The following ZBTB20 variants were observed in gnomAD, a reference collection of about 807,000 sequenced individuals.
ZBTB20 encodes the protein zinc finger and BTB domain-containing protein 20.
In ZBTB20, 9 loss-of-function variants were observed where a neutral mutation model predicts 56.9. The observed-to-expected ratio is 0.16, with a 90% confidence interval of 0.10 to 0.28. The LOEUF (loss-of-function observed/expected upper bound fraction) is 0.28, where lower values mean the gene tolerates loss of function less well. ZBTB20 is among the 10% of genes least tolerant of loss of function. ZBTB20 has a pLI of 1.00. For missense variants in ZBTB20, 655 were observed against 1,003.0 expected (o/e 0.65, Z 4.69); for synonymous variants, 417 against 420.7 (o/e 0.99, Z 0.11).
chr3:114,448,439 C>T (rs1046726422), intron 7 of ZBTB20, among the ~76,000 whole-genome samples: 1 of 151,850 alleles, frequency 6.6e-6, no homozygotes. Flanking sequence ...CTGGTGGTGA[C>T]GGGTGGTACA....
rs554210247 is a variant in ZBTB20 at position 114,662,474 on chromosome 3, C to A, written c.-295+31054G>T. ...TTCTAGTTCTAGATCCCTGAGGAAT[C>A]GCCACACTCACTTCCACAATGGTTG... On this transcript the variant is annotated intron_variant, in intron 6 of 11. Transcript: ENST00000675478. Among the ~76,000 whole-genome samples, 587 of 146,336 alleles carry A rather than the reference C, an allele frequency of 4.0e-3. 1 individual carries two copies. The highest frequency in any genetic ancestry group is 0.014 in the African/African-American group (559 of 38,688).
intron 4 of ZBTB20, among the ~76,000 whole-genome samples, chr3:114,815,377 T>G (rs1396089917): frequency 2.0e-5 from 3 of 152,174 alleles, no homozygotes; most frequent in Non-Finnish European, 4.4e-5. Flanking sequence ...GAGGAAAGAT[T>G]ACGAGCATCA....
chr3:114,440,198 C>T (rs1023917018), intron 7 of ZBTB20, among the ~76,000 whole-genome samples: 1 of 151,808 alleles, frequency 6.6e-6, no homozygotes, highest in Non-Finnish European at 1.5e-5. Context: ...TAGATAGCTA[C>T]GATATATACA....
intron 1 of ZBTB20, among the ~76,000 whole-genome samples, chr3:115,142,103 T>TG (rs2084827047): frequency 3.9e-5 from 6 of 152,228 alleles, no homozygotes; most frequent in Admixed American, 3.3e-4. Context: ...TGTGTTTCTA[T>TG]GCTATCCATA....
rs905824334 is a variant in ZBTB20 at position 114,693,539 on chromosome 3, G to A, written c.-306C>T. ...TGAGAGTTACTTACCAGACAGCAAT[G>A]TCATGAGGAATATCCTGTTAGTAAT... On this transcript the variant is annotated 5_prime_UTR_variant, in exon 6 of 12. Transcript: ENST00000675478. 8 of 152,080 alleles carry A rather than the reference G, an allele frequency of 5.3e-5. No individual in the cohort carries two copies. Among genetic ancestry groups the A allele is most frequent in the Admixed American group, 2.6e-4 (4 of 15,232 alleles). 9.4% of individuals were successfully genotyped at this position (152,080 alleles called of 1,614,324 possible).
intron 6 of ZBTB20, among the ~76,000 whole-genome samples, chr3:114,656,527 T>G (rs570287408): frequency 4.6e-5 from 7 of 152,280 alleles, no homozygotes; most frequent in Non-Finnish European, 8.8e-5. Context: ...CTCTGCACAT[T>G]TTTGAATCCT....
intron 4 of ZBTB20, among the ~76,000 whole-genome samples, chr3:114,867,492 C>T (rs1044206084): frequency 1.3e-5 from 2 of 152,162 alleles, no homozygotes; most frequent in Non-Finnish European, 2.9e-5. Context: ...TTGGAGTGCA[C>T]TGGCACAATC....
rs551800125 is a variant in ZBTB20 at position 114,998,317 on chromosome 3, C to T, written c.-506-23901G>A. Reference sequence around the variant, plus strand: ...GTATCACATGTATTGATATAACCACCAAAAAAATCAAGATACAAAGCTGTT... The same window carrying T: ...GTATCACATGTATTGATATAACCACTAAAAAAATCAAGATACAAAGCTGTT... On this transcript the variant is annotated intron_variant, in intron 2 of 11. Transcript: ENST00000675478. 9.9e-5 allele frequency among the ~76,000 whole-genome samples: 15 copies of T among 151,532 alleles called. No homozygotes were observed. In the East Asian group the frequency reaches 2.5e-3, roughly 26 times the overall value.
chr3:114,709,325 A>T (rs9855220), intron 5 of ZBTB20, among the ~76,000 whole-genome samples: 1 of 152,054 alleles, frequency 6.6e-6, no homozygotes, highest in African/African-American at 2.4e-5. Context: ...TACACCCACA[A>T]TTGACCATAG....
At chr3:115,089,180 T>A (rs1050712990) in intron 1 of ZBTB20, among the ~76,000 whole-genome samples, 6 of 151,846 alleles carry the variant, frequency 4.0e-5, no homozygotes, top group Non-Finnish European at 1.5e-5. Context: ...TCAGAAATTG[T>A]ATATACTACT....
chr3:114,583,366 T>C (rs959281210), intron 6 of ZBTB20, among the ~76,000 whole-genome samples: 1 of 152,178 alleles, frequency 6.6e-6, no homozygotes, highest in Non-Finnish European at 1.5e-5. Flanking sequence ...TGCAAAAAGA[T>C]CAATGGACTT....
At chr3:114,841,991 C>A (rs1434827416) in intron 4 of ZBTB20, among the ~76,000 whole-genome samples, 1 of 152,138 alleles carries the variant, frequency 6.6e-6, no homozygotes, top group African/African-American at 2.4e-5. Context: ...ATACAACCCC[C>A]TTCATAGTAA....
intron 4 of ZBTB20, among the ~76,000 whole-genome samples, chr3:114,873,350 T>C (rs2076076183): frequency 6.6e-6 from 1 of 152,182 alleles, no homozygotes; most frequent in African/African-American, 2.4e-5. Flanking sequence ...TGAATGTGTG[T>C]AAAGTGGGTG....
chr3:115,122,088 T>C (rs1375662275), intron 1 of ZBTB20, among the ~76,000 whole-genome samples: 1 of 152,044 alleles, frequency 6.6e-6, no homozygotes, highest in East Asian at 1.9e-4. Context: ...CCAGAGACTA[T>C]GAGAAGCAGG....
chr3:114,994,468 A>T (rs565081936), intron 2 of ZBTB20, among the ~76,000 whole-genome samples: 1 of 152,074 alleles, frequency 6.6e-6, no homozygotes, highest in African/African-American at 2.4e-5. Context: ...GTGTCTTAGT[A>T]ATATTTTCAC....
chr3:115,128,450 G>C (rs1261270594), intron 1 of ZBTB20, among the ~76,000 whole-genome samples: 1 of 151,836 alleles, frequency 6.6e-6, no homozygotes, highest in Non-Finnish European at 1.5e-5. Context: ...GATCTTCTGA[G>C]GTCAGGAGTT....
intron 3 of ZBTB20, among the ~76,000 whole-genome samples, chr3:114,918,465 T>C (rs2075831205): frequency 6.6e-6 from 1 of 151,942 alleles, no homozygotes; most frequent in Non-Finnish European, 1.5e-5. Flanking sequence ...CTGGGAATGT[T>C]CTGGATCACA....
chr3:114,855,952 C>T (rs1032383074), intron 4 of ZBTB20, among the ~76,000 whole-genome samples: 4 of 152,146 alleles, frequency 2.6e-5, no homozygotes, highest in African/African-American at 9.7e-5. Flanking sequence ...CCAAACTTAA[C>T]GTGACCTTCC....
intron 1 of ZBTB20, among the ~76,000 whole-genome samples, chr3:115,104,959 CA>C (rs2083680151): frequency 6.6e-6 from 1 of 151,950 alleles, no homozygotes; most frequent in South Asian, 2.1e-4. Context: ...TGTGTGAAGG[CA>C]GGGGGTATAT....
Sources: gnomAD v4.1 joint callset for allele counts (sites outside exome capture counted in the v4.1 genomes callset) on GRCh38, gnomAD v4.1.1 for gene constraint, MANE v1.5 for transcripts, NCBI Gene and HGNC (gene_info 2026-07-23, HGNC 2026-07-21) for gene names.